Variants in CTXND2 observed in about 807,000 individuals in gnomAD.
CTXND2 encodes the protein cortexin domain containing 2.
intron 1 of CTXND2, among the ~76,000 whole-genome samples, chr1:150,909,237 CAAAA>C (rs374506106): frequency 1.2e-5 from 1 of 82,068 alleles, no homozygotes; most frequent in African/African-American, 5.0e-5. Flanking sequence ...GACTCCTTCT[CAAAA>C]AAAAAAAAAA....
intron 1 of CTXND2, among the ~76,000 whole-genome samples, chr1:150,890,932 CTTG>C (rs1668842500): frequency 6.6e-6 from 1 of 152,166 alleles, no homozygotes. Flanking sequence ...GTGCTCTTTT[CTTG>C]TTCCAAATAG....
chr1:150,907,956 G>C (rs1442813119), intron 1 of CTXND2, among the ~76,000 whole-genome samples: 3 of 151,360 alleles, frequency 2.0e-5, no homozygotes, highest in African/African-American at 4.9e-5. Context: ...TGATCCACCC[G>C]CCTTGGCCTC....
At chr1:150,907,151 C>G (rs996604145) in intron 1 of CTXND2, among the ~76,000 whole-genome samples, 6 of 152,180 alleles carry the variant, frequency 3.9e-5, no homozygotes, top group Non-Finnish European at 8.8e-5. Context: ...GAATTTAAAA[C>G]TGAACTAAGG....
chr1:150,901,333 T>C (rs189768158), intron 1 of CTXND2, among the ~76,000 whole-genome samples: 1 of 152,296 alleles, frequency 6.6e-6, no homozygotes, highest in East Asian at 1.9e-4. Flanking sequence ...AATTGCTCTA[T>C]AGATAGAAGA....
At chr1:150,889,899 T>G (rs1213737983) in intron 1 of CTXND2, among the ~76,000 whole-genome samples, 2 of 152,078 alleles carry the variant, frequency 1.3e-5, no homozygotes, top group Non-Finnish European at 2.9e-5. Flanking sequence ...CACCTAGAGC[T>G]TACATTCTAG....
chr1:150,899,240 G>A (rs1055231352), intron 1 of CTXND2, among the ~76,000 whole-genome samples: 3 of 152,088 alleles, frequency 2.0e-5, no homozygotes, highest in Non-Finnish European at 4.4e-5. Flanking sequence ...CAGAACTTCA[G>A]CCTGGGTAAC....
At chr1:150,912,549 T>G (rs768075369) in exon 2 of CTXND2, 2 of 398,146 alleles carry the variant, frequency 5.0e-6, no homozygotes, top group Non-Finnish European at 8.8e-6. Flanking sequence ...CACTTTATAT[T>G]ATTTCACCTC....
At chr1:150,896,115 C>T (rs1190796687) in intron 1 of CTXND2, among the ~76,000 whole-genome samples, 1 of 152,026 alleles carries the variant, frequency 6.6e-6, no homozygotes, top group Non-Finnish European at 1.5e-5. Flanking sequence ...GTTCTTTTTT[C>T]CTCTGGAAAG....
intron 1 of CTXND2, among the ~76,000 whole-genome samples, chr1:150,892,745 C>T (rs1668869381): frequency 6.6e-6 from 1 of 151,984 alleles, no homozygotes; most frequent in Non-Finnish European, 1.5e-5. Context: ...TACCATGTTG[C>T]TCAGGCTGGT....
chr1:150,888,118 C>T (rs2102592017), intron 1 of CTXND2, among the ~76,000 whole-genome samples: 1 of 152,054 alleles, frequency 6.6e-6, no homozygotes, highest in South Asian at 2.1e-4. Context: ...GATTTTAGCT[C>T]TACCATTTTT....
chr1:150,897,027 T>C (rs1668921621), intron 1 of CTXND2, among the ~76,000 whole-genome samples: 1 of 152,032 alleles, frequency 6.6e-6, no homozygotes, highest in Non-Finnish European at 1.5e-5. Flanking sequence ...GCAGGCAAAA[T>C]TCATGGAACT....
At chr1:150,901,437 CCAAA>C (rs1300372792) in intron 1 of CTXND2, among the ~76,000 whole-genome samples, 3 of 152,128 alleles carry the variant, frequency 2.0e-5, no homozygotes, top group Non-Finnish European at 4.4e-5. Context: ...CTCTGAATAA[CCAAA>C]CACTCTTGAA....
At chr1:150,893,113 A>AT (rs1052482678) in intron 1 of CTXND2, among the ~76,000 whole-genome samples, 2 of 152,112 alleles carry the variant, frequency 1.3e-5, no homozygotes, top group African/African-American at 4.8e-5. Flanking sequence ...TATCTTACGT[A>AT]TTTTTAATGC....
At chr1:150,911,269 A>T (rs965725164) in intron 1 of CTXND2, among the ~76,000 whole-genome samples, 5 of 150,572 alleles carry the variant, frequency 3.3e-5, no homozygotes, top group Admixed American at 2.7e-4. Flanking sequence ...ATTCTATTCC[A>T]TTGATTTGTA....
chr1:150,892,041 A>G (rs1668858284), intron 1 of CTXND2, among the ~76,000 whole-genome samples: 1 of 152,352 alleles, frequency 6.6e-6, no homozygotes, highest in Middle Eastern at 3.4e-3. Flanking sequence ...AAGGAAATCA[A>G]AGAAAGATGG....
chr1:150,905,023 A>G (rs1443970605), intron 1 of CTXND2, among the ~76,000 whole-genome samples: 1 of 149,238 alleles, frequency 6.7e-6, no homozygotes, highest in African/African-American at 2.5e-5. Flanking sequence ...AAATTTTAAA[A>G]TTATGTGTGA....
At chr1:150,889,619 C>T (rs1668821867) in intron 1 of CTXND2, among the ~76,000 whole-genome samples, 1 of 151,922 alleles carries the variant, frequency 6.6e-6, no homozygotes, top group Non-Finnish European at 1.5e-5. Flanking sequence ...GCCCTTGTTT[C>T]CCCTTGTTGA....
In CTXND2 at chr1:150,904,189, T is replaced by C; in HGVS notation, c.-73-8053T>C. 7 of 632,128 alleles carry C rather than the reference T, an allele frequency of 1.1e-5. No homozygotes were observed. The Admixed American group carries it at 1.3e-4, about 12-fold the overall frequency. 39.2% of individuals were successfully genotyped at this position (632,128 alleles called of 1,614,324 possible). A position where few individuals can be genotyped will look rare whatever the true frequency, so the allele number is the denominator to read the frequency against. On this transcript the variant is annotated intron_variant, in intron 1 of 1. Coordinates refer to ENST00000636087, the Ensembl canonical transcript of CTXND2. ...CAGAAAAGGCCGACTTGACAGCTTA[T>C]CTCAAAAAAGCTACTAATGAGTAAT...
intron 1 of CTXND2, among the ~76,000 whole-genome samples, chr1:150,902,912 A>T (rs1669066898): frequency 6.6e-6 from 1 of 152,026 alleles, no homozygotes; most frequent in Non-Finnish European, 1.5e-5. Flanking sequence ...CCAACATTCC[A>T]GCAACTTTCC....
Sources: gnomAD v4.1 joint callset for allele counts (sites outside exome capture counted in the v4.1 genomes callset) on GRCh38, gnomAD v4.1.1 for gene constraint, MANE v1.5 for transcripts, NCBI Gene and HGNC (gene_info 2026-07-23, HGNC 2026-07-21) for gene names.